CSMD1: variants seen among roughly 807,000 people sequenced by gnomAD.
The protein encoded by CSMD1 is CUB and Sushi multiple domains 1.
Under a neutral mutation model 417.5 loss-of-function variants are expected in CSMD1, and 213 were observed. That is an observed-to-expected ratio of 0.51 (90% CI 0.46 to 0.57). The LOEUF (loss-of-function observed/expected upper bound fraction) is 0.57. Among genes scored for constraint, CSMD1 ranks in the 20% least tolerant of loss-of-function variants. CSMD1 has a pLI of 0.00. For missense variants in CSMD1, 6,923 were observed against 4,529.7 expected, an observed-to-expected ratio of 1.53 and a Z score of -15.17; for synonymous variants, 2,862 against 1,736.8, an observed-to-expected ratio of 1.65 and a Z score of -16.11.
At chr8:4,034,918 T>C (rs1038960981) in intron 3 of CSMD1, among the ~76,000 whole-genome samples, 8 of 152,152 alleles carry the variant, frequency 5.3e-5, no homozygotes, top group African/African-American at 1.2e-4. Context: ...TGACCAGTCA[T>C]TGTCACACAC....
At chr8:4,684,658 T>C (rs1806259542) in intron 1 of CSMD1, among the ~76,000 whole-genome samples, 1 of 152,172 alleles carries the variant, frequency 6.6e-6, no homozygotes, top group Non-Finnish European at 1.5e-5. Flanking sequence ...TATAAGGCAA[T>C]TAAGTGAAAT....
At chr8:2,952,700 A>G (rs1585043695) in intron 65 of CSMD1, among the ~76,000 whole-genome samples, 1 of 152,154 alleles carries the variant, frequency 6.6e-6, no homozygotes, top group Non-Finnish European at 1.5e-5. Context: ...ATCTTCCCTA[A>G]TTAGAATTTA....
intron 10 of CSMD1, among the ~76,000 whole-genome samples, chr8:3,502,880 A>G (rs1281063446): frequency 2.6e-5 from 4 of 152,136 alleles, no homozygotes; most frequent in East Asian, 1.9e-4. Context: ...GCATGAATCA[A>G]TGTTCATCAT....
chr8:4,994,106 G>C (rs78321569), intron 1 of CSMD1, among the ~76,000 whole-genome samples: 10 of 152,098 alleles, frequency 6.6e-5, no homozygotes, highest in East Asian at 2.0e-4. Flanking sequence ...GTGAGCCCAA[G>C]AGAGGGGGAA....
chr8:3,262,846 G>A (rs1016111822), intron 26 of CSMD1, among the ~76,000 whole-genome samples: 4 of 152,164 alleles, frequency 2.6e-5, no homozygotes, highest in Non-Finnish European at 5.9e-5. Flanking sequence ...CTACAAAAAT[G>A]TATGTAATAG....
intron 49 of CSMD1, among the ~76,000 whole-genome samples, chr8:3,060,107 T>C (rs984082647): frequency 1.3e-5 from 2 of 152,012 alleles, no homozygotes; most frequent in Admixed American, 6.6e-5. Flanking sequence ...TGAGATTACA[T>C]AGCTAAGACT....
intron 2 of CSMD1, among the ~76,000 whole-genome samples, chr8:4,584,947 T>G (rs951169501): frequency 2.0e-5 from 3 of 152,124 alleles, no homozygotes; most frequent in African/African-American, 7.2e-5. Context: ...CCAGTCTAAC[T>G]GCCTGCCAGA....
intron 1 of CSMD1, among the ~76,000 whole-genome samples, chr8:4,908,388 T>C (rs1805438893): frequency 6.6e-6 from 1 of 152,202 alleles, no homozygotes; most frequent in African/African-American, 2.4e-5. Context: ...GTTCTGTAGT[T>C]TAGTGTCTAT....
At chr8:4,290,073 CT>C (rs1270598976) in intron 3 of CSMD1, among the ~76,000 whole-genome samples, 4 of 152,154 alleles carry the variant, frequency 2.6e-5, no homozygotes, top group Non-Finnish European at 5.9e-5. Flanking sequence ...TCAGCACGGT[CT>C]TTTTTATAGT....
At chr8:3,852,750 C>T (rs994738562) in intron 5 of CSMD1, among the ~76,000 whole-genome samples, 1 of 152,062 alleles carries the variant, frequency 6.6e-6, no homozygotes, top group African/African-American at 2.4e-5. Flanking sequence ...TCTGCATCTC[C>T]CGCTGCACAG....
chr8:3,070,199 G>A (rs1423205074), intron 49 of CSMD1, among the ~76,000 whole-genome samples: 1 of 152,174 alleles, frequency 6.6e-6, no homozygotes, highest in African/African-American at 2.4e-5. Flanking sequence ...TACCTTCAAG[G>A]CCTTTTCCCC....
chr8:4,360,860 A>G (rs987575456), intron 3 of CSMD1, among the ~76,000 whole-genome samples: 1 of 152,108 alleles, frequency 6.6e-6, no homozygotes, highest in Non-Finnish European at 1.5e-5. Flanking sequence ...TCCTTTATCT[A>G]TCTTTAATAT....
At chr8:4,416,477 A>C (rs1342637620) in intron 3 of CSMD1, among the ~76,000 whole-genome samples, 1 of 152,144 alleles carries the variant, frequency 6.6e-6, no homozygotes, top group Non-Finnish European at 1.5e-5. Context: ...GTGCATTAAA[A>C]TTGATATTTA....
intron 1 of CSMD1, among the ~76,000 whole-genome samples, chr8:4,816,430 G>A (rs1055808979): frequency 1.3e-5 from 2 of 152,086 alleles, no homozygotes; most frequent in African/African-American, 4.8e-5. Flanking sequence ...GGTTCACCAT[G>A]TTGGCCAGGC....
At chr8:4,807,054 T>A (rs1315833706) in intron 1 of CSMD1, among the ~76,000 whole-genome samples, 1 of 152,208 alleles carries the variant, frequency 6.6e-6, no homozygotes, top group Non-Finnish European at 1.5e-5. Context: ...TATCTTGAAA[T>A]AGAAAAAGAA....
At chr8:4,805,409 T>C (rs992950256) in intron 1 of CSMD1, among the ~76,000 whole-genome samples, 6 of 152,194 alleles carry the variant, frequency 3.9e-5, no homozygotes, top group African/African-American at 1.4e-4. Flanking sequence ...TTTCTTGGTC[T>C]TCATGTGACC....
At chr8:3,659,510 T>C (rs1011243197) in intron 7 of CSMD1, among the ~76,000 whole-genome samples, 1 of 152,200 alleles carries the variant, frequency 6.6e-6, no homozygotes, top group Non-Finnish European at 1.5e-5. Context: ...CAAACTGTTA[T>C]TCTCTTTGCC....
chr8:4,671,866 A>G (rs1309529354), intron 1 of CSMD1, among the ~76,000 whole-genome samples: 1 of 152,090 alleles, frequency 6.6e-6, no homozygotes, highest in East Asian at 1.9e-4. Context: ...TTTTTAAATT[A>G]TCTTAAAAAC....
At chr8:3,316,965 G>C (rs1273690663) in intron 23 of CSMD1, among the ~76,000 whole-genome samples, 3 of 152,218 alleles carry the variant, frequency 2.0e-5, no homozygotes, top group Non-Finnish European at 4.4e-5. Context: ...GCCTGTGTCA[G>C]TGGATGTGGG....
Sources: allele counts gnomAD v4.1 joint callset (sites outside exome capture counted in the v4.1 genomes callset), GRCh38; gene constraint gnomAD v4.1.1; transcripts MANE v1.5; gene names NCBI Gene and HGNC (gene_info 2026-07-23, HGNC 2026-07-21).